Variants in FANCC observed in about 807,000 individuals in gnomAD.
FANCC encodes Fanconi anemia group C protein.
In FANCC, 55 loss-of-function variants were observed where a neutral mutation model predicts 71.3. That is an observed-to-expected ratio of 0.77 (90% CI 0.62 to 0.97). FANCC has a LOEUF of 0.97. FANCC is among the 50% of genes least tolerant of loss of function. The pLI is 0.00. For synonymous variants in FANCC, 275 were observed against 244.9 expected, an observed-to-expected ratio of 1.12 and a Z score of -1.15; for missense variants, 678 against 670.9, an observed-to-expected ratio of 1.01 and a Z score of -0.12.
intron 4 of FANCC, among the ~76,000 whole-genome samples, chr9:95,190,321 T>C (rs955858282): frequency 6.6e-6 from 1 of 152,102 alleles, no homozygotes; most frequent in Non-Finnish European, 1.5e-5. Context: ...GGATTTCTCA[T>C]GTCAATTACA....
At chr9:95,272,748 T>C (rs1038992378) in intron 1 of FANCC, among the ~76,000 whole-genome samples, 3 of 152,170 alleles carry the variant, frequency 2.0e-5, no homozygotes, top group Admixed American at 6.5e-5. Context: ...TAATTTTTCA[T>C]TTTCTAGCTT....
chr9:95,147,584 C>T (rs1829736461), intron 7 of FANCC, among the ~76,000 whole-genome samples: 1 of 152,158 alleles, frequency 6.6e-6, no homozygotes, highest in Non-Finnish European at 1.5e-5. Flanking sequence ...GAGATGGAGA[C>T]ATCTGCTACA....
At chr9:95,249,091 C>T (rs774698222) in intron 2 of FANCC, 36 bp downstream of exon 2, 2 of 1,608,510 alleles carry the variant, frequency 1.2e-6, no homozygotes, top group South Asian at 2.2e-5. Context: ...TCCCTGAAGT[C>T]AGAAAATAAT....
intron 5 of FANCC, among the ~76,000 whole-genome samples, chr9:95,171,449 C>A (rs1825670211): frequency 2.7e-5 from 4 of 148,802 alleles, no homozygotes; most frequent in Admixed American, 6.7e-5. Context: ...ATTTAAAATT[C>A]AGTTCATTTG....
intron 4 of FANCC, among the ~76,000 whole-genome samples, chr9:95,206,100 C>T (rs1355525079): frequency 6.6e-6 from 1 of 151,992 alleles, no homozygotes; most frequent in Middle Eastern, 3.2e-3. Flanking sequence ...AAGAAATACA[C>T]AAAAGCATCA....
At chr9:95,298,366 AT>A (rs1295423713) in intron 1 of FANCC, among the ~76,000 whole-genome samples, 5 of 152,210 alleles carry the variant, frequency 3.3e-5, no homozygotes, top group African/African-American at 1.2e-4. Flanking sequence ...AGCTTAGGGC[AT>A]GGTGAGTACA....
At chr9:95,312,607 C>T (rs1057025625) in intron 1 of FANCC, among the ~76,000 whole-genome samples, 1 of 152,252 alleles carries the variant, frequency 6.6e-6, no homozygotes, top group Non-Finnish European at 1.5e-5. Context: ...CCAAGCCCTG[C>T]GGCCTCGCAA....
intron 13 of FANCC, chr9:95,110,207 ATGTAGAACT>A: frequency 1.0e-6 from 1 of 981,536 alleles, no homozygotes. Context: ...AGATGTGCCA[ATGTAGAACT>A]TTCTAGAAAT....
intron 1 of FANCC, among the ~76,000 whole-genome samples, chr9:95,283,488 A>C (rs1196018688): frequency 6.6e-6 from 1 of 152,192 alleles, no homozygotes; most frequent in Non-Finnish European, 1.5e-5. Flanking sequence ...GCATTGACCA[A>C]ATAACTTACT....
chr9:95,234,482 T>A (rs2136012503), intron 4 of FANCC, among the ~76,000 whole-genome samples: 1 of 152,302 alleles, frequency 6.6e-6, no homozygotes, highest in South Asian at 2.1e-4. Flanking sequence ...GACACACACA[T>A]CCTAAAATTT....
intron 8 of FANCC, among the ~76,000 whole-genome samples, chr9:95,127,591 G>A (rs1021778253): frequency 6.6e-6 from 1 of 152,234 alleles, no homozygotes; most frequent in Non-Finnish European, 1.5e-5. Context: ...GTGCGCCCAG[G>A]GGGCGGGGAC....
chr9:95,225,990 T>C (rs552328891), intron 4 of FANCC, among the ~76,000 whole-genome samples: 128 of 152,224 alleles, frequency 8.4e-4, no homozygotes, highest in Non-Finnish European at 1.3e-3. Context: ...TCACAACAAA[T>C]GGACTTGAAA....
chr9:95,149,231 T>A (rs1829957909), intron 7 of FANCC, among the ~76,000 whole-genome samples: 2 of 152,144 alleles, frequency 1.3e-5, no homozygotes, highest in Admixed American at 6.5e-5. Context: ...AACAGATTTT[T>A]AAAACTCTTG....
At chr9:95,248,515 AG>A (rs930533569) in intron 2 of FANCC, among the ~76,000 whole-genome samples, 3 of 152,254 alleles carry the variant, frequency 2.0e-5, no homozygotes, top group Non-Finnish European at 4.4e-5. Flanking sequence ...GCTTAACACA[AG>A]AACACTTTGT....
At position 95,139,416 on chromosome 9, in the gene FANCC, G is replaced by T. The variant is rs115390367; in HGVS notation, c.687-3914C>A. Among the ~76,000 whole-genome samples, 569 of 152,258 alleles carry T rather than the reference G, an allele frequency of 3.7e-3. 5 individuals carry two copies. Among genetic ancestry groups the T allele is most frequent in the African/African-American group, 0.012 (513 of 41,532 alleles). On this transcript the variant is annotated intron_variant, in intron 7 of 14. Transcript: ENST00000289081. ...ACAGCCCCGTGTTAATCATCGTACT[G>T]CTGTCAATTTGCCTGGCAGAAATAG... is the stretch of plus-strand genomic sequence containing the variant.
At chr9:95,110,958 C>G (rs1440112162) in intron 13 of FANCC, 1 of 1,393,012 alleles carries the variant, frequency 7.2e-7, no homozygotes, top group South Asian at 1.7e-5. Flanking sequence ...TTAATATCAT[C>G]TGATTACTTT....
chr9:95,298,430 G>A (rs941758366), intron 1 of FANCC, among the ~76,000 whole-genome samples: 9 of 152,168 alleles, frequency 5.9e-5, no homozygotes, highest in Admixed American at 5.2e-4. Context: ...GGTATGTGAG[G>A]AAGAGGTTAG....
At chr9:95,114,533 G>C (rs778698378) in intron 12 of FANCC, 96 bp downstream of exon 12, 11 of 1,103,034 alleles carry the variant, frequency 1.0e-5, no homozygotes, top group Non-Finnish European at 1.5e-5. Flanking sequence ...TCCCAGACCA[G>C]TAATGCCTTC....
intron 3 of FANCC, among the ~76,000 whole-genome samples, chr9:95,244,905 C>A (rs967460973): frequency 6.6e-6 from 1 of 151,832 alleles, no homozygotes; most frequent in Admixed American, 6.6e-5. Context: ...CTAGGGAAAG[C>A]GACTTATTGA....
Sources: gnomAD v4.1 joint callset for allele counts (sites outside exome capture counted in the v4.1 genomes callset) on GRCh38, gnomAD v4.1.1 for gene constraint, MANE v1.5 for transcripts, NCBI Gene and HGNC (gene_info 2026-07-23, HGNC 2026-07-21) for gene names.